The following SIN3A variants were observed in gnomAD, a reference collection of about 807,000 sequenced individuals.
SIN3A encodes the protein SIN3 transcription regulator family member A, also known as paired amphipathic helix protein Sin3a.
SIN3A carries 14 observed loss-of-function variants against 146.1 expected under a neutral mutation model. The observed-to-expected ratio is 0.10, with a 90% CI of 0.06 to 0.15. SIN3A has a LOEUF of 0.15. Among genes scored for constraint, SIN3A ranks in the 10% least tolerant of loss-of-function variants. SIN3A has a pLI of 1.00. For synonymous variants in SIN3A, 572 were observed against 572.0 expected (o/e 1.00, Z 0.00); for missense variants, 1,028 against 1,576.0 (o/e 0.65, Z 5.89).
chr15:75,453,944 C>T (rs1212143759), upstream of SIN3A: 5 of 152,294 alleles, frequency 3.3e-5, no homozygotes, highest in African/African-American at 1.2e-4. Flanking sequence ...GGCGCCGAGC[C>T]TAGGACTTCC....
intron 20 of SIN3A, among the ~76,000 whole-genome samples, chr15:75,374,349 G>A (rs2072814015): frequency 6.6e-6 from 1 of 152,140 alleles, no homozygotes. Flanking sequence ...CAAAAAATCA[G>A]CCAGGCATGG....
chr15:75,454,062 C>T (rs1197557524), upstream of SIN3A: 1 of 152,248 alleles, frequency 6.6e-6, no homozygotes, highest in African/African-American at 2.4e-5. Flanking sequence ...TCCCAGCTCT[C>T]TCCGCCGGAG....
At position 75,401,889 on chromosome 15, in the gene SIN3A, G is replaced by A. The variant is rs755980650; in HGVS notation, c.1489C>T (p.Arg497Cys). 1.2e-6 allele frequency: 2 copies of A among 1,613,664 alleles called. No individual in the cohort carries two copies. The highest frequency in any genetic ancestry group is 2.2e-5 in the East Asian group (1 of 44,882). The stretch of plus-strand genomic sequence containing the variant: ...GAGACTAGTTGCACAAGCTCAGCAC[G>A]AGAGATCACCTCCTGGTTAAAAATA... ...LVIFNQEVIS[R>C]AELVQLVSPF... is the part of the protein sequence containing the mutation. Residue 497 changes from arginine to cysteine, a missense_variant, in exon 10 of 21, where the codon CGT becomes TGT. Arg to Cys is a radical substitution (Grantham distance 180, BLOSUM62 -3). Around this residue, in one of 9 missense-constraint regions of SIN3A, gnomAD observed 157 missense variants for 284.8 expected, o/e 0.55. Coordinates refer to ENST00000394947, the MANE Select transcript of SIN3A (RefSeq NM_001145358.2).
At chr15:75,377,913 T>C (rs2072893255) in intron 19 of SIN3A, among the ~76,000 whole-genome samples, 1 of 152,204 alleles carries the variant, frequency 6.6e-6, no homozygotes, top group African/African-American at 2.4e-5. Context: ...AGGGAGCCTA[T>C]CACTTCAAGG....
rs574917062 is a variant in SIN3A at position 75,371,612 on chromosome 15, A to G, written c.*367T>C. The G allele has an allele frequency of 4.7e-6, 1 of 213,084 alleles. No homozygotes were observed. The highest frequency in any genetic ancestry group is 1.5e-4 in the South Asian group (1 of 6,804). 13.2% of individuals were successfully genotyped at this position (213,084 alleles called of 1,614,324 possible). On this transcript the variant is annotated 3_prime_UTR_variant, in exon 21 of 21. Transcript: ENST00000394947. ...TTTGTAAATGCATCTCCATCCAGTC[A>G]AAGTGTGAACAGCATCCGGTTCCCT...
chr15:75,384,539 T>A (rs543531147), intron 16 of SIN3A, 102 bp from the exon 17 acceptor site: 20 of 206,270 alleles, frequency 9.7e-5, no homozygotes, highest in Non-Finnish European at 1.5e-4. Context: ...AAAAAGGTTT[T>A]TCTTTTTTTG....
At chr15:75,413,092 C>T in intron 4 of SIN3A, 47 bp from the exon 5 acceptor site, 1 of 1,531,920 alleles carries the variant, frequency 6.5e-7, no homozygotes, top group Non-Finnish European at 8.8e-7. Flanking sequence ...GCTTAACAAA[C>T]ACCCTGTTAA....
chr15:75,441,038 T>C (rs190014586), intron 1 of SIN3A, among the ~76,000 whole-genome samples: 1 of 149,426 alleles, frequency 6.7e-6, no homozygotes, highest in East Asian at 2.0e-4. Flanking sequence ...CCAGGTGCAG[T>C]GGCTCACGCC....
intron 17 of SIN3A, among the ~76,000 whole-genome samples, chr15:75,382,676 G>A (rs1217505709): frequency 2.0e-5 from 3 of 152,218 alleles, no homozygotes; most frequent in Non-Finnish European, 4.4e-5. Context: ...GTCAGATGCA[G>A]TGGCTCACAC....
chr15:75,372,902 C>T (rs1254890338), intron 20 of SIN3A, among the ~76,000 whole-genome samples: 1 of 151,832 alleles, frequency 6.6e-6, no homozygotes, highest in Non-Finnish European at 1.5e-5. Flanking sequence ...ACCAGCAATC[C>T]AGCTGATTCT....
At chr15:75,430,979 A>T (rs11072546) in intron 1 of SIN3A, among the ~76,000 whole-genome samples, 152,237 of 152,238 alleles carry the variant, frequency 1, 76,118 homozygotes, top group Non-Finnish European at 1. Context: ...GGTTTCACCG[A>T]GTTACCCAGG....
intron 8 of SIN3A, 92 bp downstream of exon 8, chr15:75,409,742 AAC>A: frequency 5.6e-6 from 8 of 1,416,030 alleles, no homozygotes; most frequent in East Asian, 2.3e-5. Context: ...AACAAAAAAA[AAC>A]AACAACAACA....
At chr15:75,439,497 C>A (rs534743682) in intron 1 of SIN3A, among the ~76,000 whole-genome samples, 1 of 152,098 alleles carries the variant, frequency 6.6e-6, no homozygotes, top group Non-Finnish European at 1.5e-5. Flanking sequence ...CCTGCCACCA[C>A]GCCTGGCTAA....
At chr15:75,375,224 A>C (rs904847132) in intron 20 of SIN3A, among the ~76,000 whole-genome samples, 2 of 152,186 alleles carry the variant, frequency 1.3e-5, no homozygotes, top group Admixed American at 6.5e-5. Flanking sequence ...CAAACAAACA[A>C]AAAATCATAC....
intron 9 of SIN3A, among the ~76,000 whole-genome samples, 155 bp downstream of exon 9, chr15:75,406,900 T>C (rs1174573101): frequency 1.3e-5 from 2 of 152,250 alleles, no homozygotes; most frequent in East Asian, 1.9e-4. Flanking sequence ...CTAATAGTAC[T>C]AGCAGACTCA....
intron 14 of SIN3A, among the ~76,000 whole-genome samples, 199 bp from the exon 15 acceptor site, chr15:75,393,014 G>C (rs1199904142): frequency 2.6e-5 from 4 of 152,196 alleles, no homozygotes; most frequent in Non-Finnish European, 5.9e-5. Flanking sequence ...GTGATCACTT[G>C]AGGTCAGGAG....
At chr15:75,376,602 C>CCTAT (rs945390299) in intron 19 of SIN3A, among the ~76,000 whole-genome samples, 10 of 151,990 alleles carry the variant, frequency 6.6e-5, no homozygotes, top group African/African-American at 1.9e-4. Flanking sequence ...GTGGCTCATG[C>CCTAT]CTATAATCCC....
intron 3 of SIN3A, among the ~76,000 whole-genome samples, chr15:75,418,176 C>G (rs746584378): frequency 5.3e-5 from 8 of 151,044 alleles, no homozygotes; most frequent in African/African-American, 1.7e-4. Flanking sequence ...GGATTATAGG[C>G]GCCTGCCACC....
chr15:75,379,363 C>G (rs1204250621), intron 19 of SIN3A, among the ~76,000 whole-genome samples: 2 of 152,136 alleles, frequency 1.3e-5, no homozygotes, highest in African/African-American at 4.8e-5. Context: ...AGCCCCTTAG[C>G]TGTCAGACAA....
Sources: allele counts gnomAD v4.1 joint callset (sites outside exome capture counted in the v4.1 genomes callset), GRCh38; gene constraint gnomAD v4.1.1; regional missense constraint gnomAD v4.1.1; transcripts MANE v1.5; gene names NCBI Gene and HGNC (gene_info 2026-07-23, HGNC 2026-07-21).